Variants in LRRTM3 observed in about 807,000 individuals in gnomAD.
LRRTM3 encodes the protein leucine rich repeat transmembrane neuronal 3.
In LRRTM3, 24 loss-of-function variants were observed where a neutral mutation model predicts 44.7. The ratio of observed to expected loss-of-function variants is 0.54; its 90% CI spans 0.39 to 0.76. The LOEUF (loss-of-function observed/expected upper bound fraction) is 0.76, where lower values mean the gene tolerates loss of function less well. LRRTM3 is among the 30% of genes least tolerant of loss of function. The probability of loss-of-function intolerance (pLI) is 0.00; values close to 1 mark genes in which losing one functional copy is unlikely to be tolerated. For missense variants in LRRTM3, 587 were observed against 702.2 expected, an observed-to-expected ratio of 0.84 and a Z score of 1.85; for synonymous variants, 277 against 278.7, an observed-to-expected ratio of 0.99 and a Z score of 0.06.
intron 2 of LRRTM3, among the ~76,000 whole-genome samples, chr10:67,022,337 G>T (rs1853071853): frequency 6.6e-6 from 1 of 152,094 alleles, no homozygotes; most frequent in Non-Finnish European, 1.5e-5. Context: ...ATGCCTCTGT[G>T]TGTGTGTGTG....
At chr10:67,017,719 A>T (rs1852741145) in intron 2 of LRRTM3, among the ~76,000 whole-genome samples, 1 of 145,878 alleles carries the variant, frequency 6.9e-6, no homozygotes, top group Non-Finnish European at 1.5e-5. Flanking sequence ...ATGTCACAAA[A>T]ATCATCTGTG....
chr10:67,005,682 C>CTTTTTTTTTT lies in LRRTM3; in HGVS notation c.1536+77242_1536+77251dup, dbSNP rs11369576. ...AATGCTTTTGTTTATTTTACTCCAT[C>CTTTTTTTTTT]TTTTTTTTTTTTTTTTTTTTTGAGA... is the stretch of plus-strand genomic sequence containing the variant. On this transcript the variant is annotated intron_variant, in intron 2 of 2. Transcript: ENST00000361320. 6.3e-3 allele frequency among the ~76,000 whole-genome samples: 391 copies of CTTTTTTTTTT among 61,930 alleles called. 105 individuals carry two copies. Among genetic ancestry groups the CTTTTTTTTTT allele is most frequent in the South Asian group, 0.019 (19 of 990 alleles). The allele number at this position is 61,930 out of a possible 152,430, so 40.6% of individuals were successfully genotyped here.
chr10:67,069,007 G>A (rs1401504140), intron 2 of LRRTM3, among the ~76,000 whole-genome samples: 2 of 151,818 alleles, frequency 1.3e-5, no homozygotes, highest in Non-Finnish European at 2.9e-5. Flanking sequence ...TTGCAGCTCA[G>A]ATCACCACTG....
chr10:67,023,450 C>A lies in LRRTM3; in HGVS notation c.1537-74137C>A, dbSNP rs544970743. On this transcript the variant is annotated intron_variant, in intron 2 of 2. Coordinates refer to ENST00000361320, the MANE Select transcript of LRRTM3 (RefSeq NM_178011.5). ...CAATCCACCAGGCTTATCCATGGAT[C>A]TTCTATAGAGAACGATGACTAAAAT... Among the ~76,000 whole-genome samples, 169 of 152,206 alleles carry A rather than the reference C, an allele frequency of 1.1e-3. 3 individuals are homozygous for A. In the South Asian group the frequency reaches 0.019, roughly 17 times the overall value.
At chr10:66,998,419 T>C (rs918454843) in intron 2 of LRRTM3, among the ~76,000 whole-genome samples, 1 of 152,012 alleles carries the variant, frequency 6.6e-6, no homozygotes, top group Non-Finnish European at 1.5e-5. Context: ...TCAAAATATA[T>C]CAATAACCCA....
At chr10:67,031,712 T>C (rs1056627729) in intron 2 of LRRTM3, among the ~76,000 whole-genome samples, 1 of 152,170 alleles carries the variant, frequency 6.6e-6, no homozygotes, top group Admixed American at 6.5e-5. Context: ...GACTAGGACC[T>C]TAGTTTCCGC....
chr10:67,023,178 C>A (rs906911978), intron 2 of LRRTM3, among the ~76,000 whole-genome samples: 1 of 151,958 alleles, frequency 6.6e-6, no homozygotes, highest in African/African-American at 2.4e-5. Flanking sequence ...AGAACCAGAA[C>A]AGTCAAATAA....
At chr10:66,935,291 G>A (rs1174680939) in intron 2 of LRRTM3, among the ~76,000 whole-genome samples, 1 of 152,028 alleles carries the variant, frequency 6.6e-6, no homozygotes, top group Non-Finnish European at 1.5e-5. Flanking sequence ...TTACAACAGT[G>A]AAACCTCTCT....
intron 2 of LRRTM3, among the ~76,000 whole-genome samples, chr10:67,090,204 G>A (rs1315112273): frequency 6.6e-6 from 1 of 151,978 alleles, no homozygotes; most frequent in Admixed American, 6.6e-5. Context: ...TTCGAGATTG[G>A]ACTCTTCTTT....
At chr10:66,980,274 C>T (rs1003237484) in intron 2 of LRRTM3, among the ~76,000 whole-genome samples, 2 of 152,268 alleles carry the variant, frequency 1.3e-5, no homozygotes, top group Non-Finnish European at 2.9e-5. Flanking sequence ...GTCTCTTCTC[C>T]TAAGCCAAGT....
At chr10:66,946,167 G>A (rs915708705) in intron 2 of LRRTM3, among the ~76,000 whole-genome samples, 15 of 152,074 alleles carry the variant, frequency 9.9e-5, no homozygotes, top group Non-Finnish European at 8.8e-5. Context: ...GCAATAAAAT[G>A]CAGTACAATA....
intron 2 of LRRTM3, among the ~76,000 whole-genome samples, chr10:66,971,768 A>C (rs2132829643): frequency 6.6e-6 from 1 of 152,282 alleles, no homozygotes; most frequent in South Asian, 2.1e-4. Flanking sequence ...ATATACCATA[A>C]ACATAATTTA....
At chr10:67,072,211 C>G (rs1417860959) in intron 2 of LRRTM3, among the ~76,000 whole-genome samples, 1 of 152,184 alleles carries the variant, frequency 6.6e-6, no homozygotes, top group African/African-American at 2.4e-5. Flanking sequence ...ACCTTAGCCT[C>G]CCAAAGTGCT....
chr10:66,927,023 A>G lies in LRRTM3; in HGVS notation c.107A>G (p.Lys36Arg). The change falls in exon 2 of 3, where the codon AAG becomes AGG. Residue 36 changes from lysine to arginine, a missense_variant. Lys to Arg is a conservative substitution (Grantham distance 26, BLOSUM62 2). Around this residue, in one of 3 missense-constraint regions of LRRTM3, gnomAD observed 50 missense variants for 43.4 expected, o/e 1.15. Transcript: ENST00000361320. The surrounding 1 kb of genome is among the most constrained non-coding windows in gnomAD (Gnocchi z 4.7). Reference sequence around the variant, plus strand: ...TCTTCTGCCGAACGAGGATGCCCTAAGGGCTGTAGGTGTGAAGGCAAAATG... The same window carrying G: ...TCTTCTGCCGAACGAGGATGCCCTAGGGGCTGTAGGTGTGAAGGCAAAATG... ...MLSSAERGCP[K>R]GCRCEGKMVY... The G allele has an allele frequency of 6.2e-7, 1 of 1,614,150 alleles. No homozygotes were observed. The highest frequency in any genetic ancestry group is 8.5e-7 in the Non-Finnish European group (1 of 1,180,030).
intron 2 of LRRTM3, among the ~76,000 whole-genome samples, chr10:66,997,281 C>A (rs117899583): frequency 1.3e-5 from 2 of 152,086 alleles, no homozygotes; most frequent in Admixed American, 6.6e-5. Context: ...CTGATACAAT[C>A]TCTTATAAAA....
chr10:66,951,306 G>A (rs1848527625), intron 2 of LRRTM3, among the ~76,000 whole-genome samples: 1 of 151,862 alleles, frequency 6.6e-6, no homozygotes, highest in Non-Finnish European at 1.5e-5. Context: ...AGTAGAGATG[G>A]GGTTTCACCA....
intron 2 of LRRTM3, among the ~76,000 whole-genome samples, chr10:67,074,696 T>C (rs1856658340): frequency 6.6e-6 from 1 of 152,188 alleles, no homozygotes; most frequent in South Asian, 2.1e-4. Context: ...AATGTCCTTC[T>C]AAGAATAGAC....
intron 2 of LRRTM3, among the ~76,000 whole-genome samples, chr10:67,022,005 T>G (rs1352823480): frequency 6.6e-6 from 1 of 152,204 alleles, no homozygotes; most frequent in Non-Finnish European, 1.5e-5. Flanking sequence ...CTCTAATTGT[T>G]AAGTCGCAAT....
chr10:67,014,363 T>G (rs1054623485), intron 2 of LRRTM3, among the ~76,000 whole-genome samples: 1 of 152,204 alleles, frequency 6.6e-6, no homozygotes, highest in Admixed American at 6.5e-5. Context: ...CAGCTTTAAT[T>G]AACTACTGTA....
Sources: allele counts gnomAD v4.1 joint callset (sites outside exome capture counted in the v4.1 genomes callset), GRCh38; gene constraint gnomAD v4.1.1; regional missense constraint gnomAD v4.1.1; non-coding constraint Gnocchi (gnomAD v3.1); transcripts MANE v1.5; gene names NCBI Gene and HGNC (gene_info 2026-07-23, HGNC 2026-07-21).